The following CDH22 variants were observed in gnomAD, a reference collection of about 807,000 sequenced individuals.
CDH22 encodes the protein cadherin-22.
Under a neutral mutation model 58.4 loss-of-function variants are expected in CDH22, and 30 were observed. The observed-to-expected ratio is 0.51, with a 90% CI of 0.38 to 0.70. CDH22 has a LOEUF of 0.70. Ranked by LOEUF, CDH22 falls within the 30% of genes least tolerant of loss-of-function variation. CDH22 has a pLI of 0.00. For missense variants in CDH22, 1,014 were observed against 1,233.9 expected (o/e 0.82, Z 2.67); for synonymous variants, 513 against 558.2 (o/e 0.92, Z 1.14).
At chr20:46,201,292 G>T (rs2058745309) in intron 7 of CDH22, among the ~76,000 whole-genome samples, 1 of 152,230 alleles carries the variant, frequency 6.6e-6, no homozygotes, top group Admixed American at 6.5e-5. Flanking sequence ...GGGCCTTTTT[G>T]TAGTCTCCCA....
chr20:46,231,884 A>C (rs1721936947), intron 3 of CDH22, among the ~76,000 whole-genome samples: 1 of 152,184 alleles, frequency 6.6e-6, no homozygotes, highest in African/African-American at 2.4e-5. Flanking sequence ...CTGTAACATT[A>C]AGGGGTGCCC....
At chr20:46,223,649 C>CTTTTTCTTTCCT (rs1600703784) in intron 4 of CDH22, among the ~76,000 whole-genome samples, 1 of 148,400 alleles carries the variant, frequency 6.7e-6, no homozygotes, top group South Asian at 2.2e-4. Flanking sequence ...TTCTTTCTTT[C>CTTTTTCTTTCCT]TCTTTCTTTT....
chr20:46,188,132 T>C (rs2085839695), intron 8 of CDH22, among the ~76,000 whole-genome samples: 1 of 152,190 alleles, frequency 6.6e-6, no homozygotes, highest in Non-Finnish European at 1.5e-5. Context: ...GCTGAATGAA[T>C]GAATGAAGCC....
intron 7 of CDH22, among the ~76,000 whole-genome samples, chr20:46,201,841 C>T (rs548357011): frequency 2.6e-5 from 4 of 152,140 alleles, no homozygotes; most frequent in Non-Finnish European, 5.9e-5. Flanking sequence ...TTCAGACCCA[C>T]GATTATAATT....
Position 46,224,198 on chromosome 20 carries a change from C to A in CDH22, c.670+3310G>T, listed in dbSNP as rs549363441. On this transcript the variant is annotated intron_variant, in intron 4 of 11. Transcript: ENST00000537909. ...CTTCCTCTGCATTAGGTTTCGTCCTCACACTCGTCACTGCTTGACGTTATG... is the reference window on the plus strand; with the variant it reads ...CTTCCTCTGCATTAGGTTTCGTCCTAACACTCGTCACTGCTTGACGTTATG... Among the ~76,000 whole-genome samples, 4 of 152,310 alleles carry A rather than the reference C, an allele frequency of 2.6e-5. No homozygotes were observed. The South Asian group carries it at 6.2e-4, about 24-fold the overall frequency.
chr20:46,266,903 A>C (rs114590870), intron 1 of CDH22, among the ~76,000 whole-genome samples: 1,732 of 142,270 alleles, frequency 0.012, 19 homozygotes, highest in Middle Eastern at 0.035. Flanking sequence ...AGGAAGGTCT[A>C]TAGGGTGCTT....
intron 4 of CDH22, among the ~76,000 whole-genome samples, chr20:46,218,704 A>G (rs79355540): frequency 0.037 from 5,646 of 152,160 alleles, 329 homozygotes; most frequent in African/African-American, 0.13. Flanking sequence ...CTAATCACGG[A>G]GCAGACAGTC....
chr20:46,235,346 G>C (rs1307761890), intron 3 of CDH22, among the ~76,000 whole-genome samples: 1 of 152,164 alleles, frequency 6.6e-6, no homozygotes, highest in Non-Finnish European at 1.5e-5. Context: ...AGAATGTCTA[G>C]TCCAATTCTT....
chr20:46,190,029 CG>C (rs1182731203), intron 8 of CDH22, among the ~76,000 whole-genome samples: 1 of 151,788 alleles, frequency 6.6e-6, no homozygotes, highest in Admixed American at 6.6e-5. Flanking sequence ...GACTGGGAGG[CG>C]GGGGGAATCC....
intron 7 of CDH22, among the ~76,000 whole-genome samples, chr20:46,205,020 C>T (rs957890273): frequency 3.3e-5 from 5 of 152,096 alleles, no homozygotes; most frequent in East Asian, 1.9e-4. Context: ...GTGTGTGTGT[C>T]GGGGTGTAGT....
chr20:46,265,183 C>T (rs1030013296), intron 1 of CDH22, among the ~76,000 whole-genome samples: 1 of 152,136 alleles, frequency 6.6e-6, no homozygotes, highest in Non-Finnish European at 1.5e-5. Flanking sequence ...CCATCCTGGC[C>T]GTGTCAATAT....
chr20:46,214,137 C>T (rs552944510), intron 5 of CDH22, among the ~76,000 whole-genome samples: 6 of 151,794 alleles, frequency 4.0e-5, no homozygotes, highest in Admixed American at 1.3e-4. Context: ...GTGCAAAGGC[C>T]CTGAGGTGGG....
intron 3 of CDH22, among the ~76,000 whole-genome samples, chr20:46,239,089 G>A (rs1216081814): frequency 2.6e-5 from 4 of 152,196 alleles, no homozygotes; most frequent in Non-Finnish European, 5.9e-5. Flanking sequence ...CTTCAGAGAA[G>A]CCTTACTGGA....
intron 10 of CDH22, among the ~76,000 whole-genome samples, chr20:46,181,167 G>A (rs2085781546): frequency 6.6e-6 from 1 of 152,140 alleles, no homozygotes; most frequent in Admixed American, 6.5e-5. Context: ...GCTCGCTGCT[G>A]GTCCTGGATC....
intron 9 of CDH22, 30 bp from the exon 10 acceptor site, chr20:46,186,735 G>A: frequency 6.2e-7 from 1 of 1,610,164 alleles, no homozygotes; most frequent in Middle Eastern, 1.7e-4. Context: ...TAGAGGGCTA[G>A]TGGTGAGGCT....
rs1408363003 is a variant in CDH22, at chr20:46,308,061, T to C, written c.-400+194A>G. Among the ~76,000 whole-genome samples the C allele has an allele frequency of 1.3e-5, 2 of 150,992 alleles. No individual in the cohort carries two copies. Among genetic ancestry groups the C allele is most frequent in the African/African-American group, 2.4e-5 (1 of 41,128 alleles). On this transcript the variant is annotated intron_variant, in intron 1 of 11. Transcript: ENST00000537909. The surrounding 1 kb of genome is among the most constrained non-coding windows in gnomAD (Gnocchi z 4.3). Reference sequence around the variant, plus strand: ...GAAAGTTTGGACGTGGGAAACTCCCTCCCCGCCCTCCCGGCCGAGAGGAGG... The same window carrying C: ...GAAAGTTTGGACGTGGGAAACTCCCCCCCCGCCCTCCCGGCCGAGAGGAGG...
At chr20:46,272,704 A>G (rs1189520246) in intron 1 of CDH22, among the ~76,000 whole-genome samples, 1 of 152,178 alleles carries the variant, frequency 6.6e-6, no homozygotes, top group African/African-American at 2.4e-5. Flanking sequence ...ACTAGCAGAG[A>G]TTGTTAGTAT....
At chr20:46,253,642 G>C (rs1261179238) in intron 1 of CDH22, among the ~76,000 whole-genome samples, 1 of 152,132 alleles carries the variant, frequency 6.6e-6, no homozygotes, top group Admixed American at 6.5e-5. Flanking sequence ...ATTATGACCT[G>C]GGCTGGTCGT....
At chr20:46,255,056 C>T (rs1311681099) in intron 1 of CDH22, among the ~76,000 whole-genome samples, 3 of 152,124 alleles carry the variant, frequency 2.0e-5, no homozygotes, top group Admixed American at 2.0e-4. Context: ...GAATTTCTTT[C>T]TGTCACCCAG....
Sources: allele counts gnomAD v4.1 joint callset (sites outside exome capture counted in the v4.1 genomes callset), GRCh38; gene constraint gnomAD v4.1.1; non-coding constraint Gnocchi (gnomAD v3.1); transcripts MANE v1.5; gene names NCBI Gene and HGNC (gene_info 2026-07-23, HGNC 2026-07-21).